Variants in RPS6KB1 observed in about 807,000 individuals in gnomAD.
RPS6KB1 encodes ribosomal protein S6 kinase beta-1.
RPS6KB1 carries 12 observed loss-of-function variants against 70.2 expected under a neutral mutation model. The observed-to-expected ratio is 0.17, with a 90% CI of 0.11 to 0.28. RPS6KB1 has a LOEUF of 0.28. Ranked by LOEUF, RPS6KB1 falls within the 10% of genes least tolerant of loss-of-function variation. RPS6KB1 has a pLI of 1.00. For missense variants in RPS6KB1, 270 were observed against 646.6 expected, an observed-to-expected ratio of 0.42 and a Z score of 6.32; for synonymous variants, 175 against 211.2, an observed-to-expected ratio of 0.83 and a Z score of 1.49.
In RPS6KB1 at chr17:59,893,732, C is replaced by A; in HGVS notation, c.141+407C>A. 1 of 985,380 alleles carries A rather than the reference C, an allele frequency of 1.0e-6. No individual in the cohort carries two copies. The highest frequency in any genetic ancestry group is 4.4e-5 in the South Asian group (1 of 22,838). 61.0% of individuals were successfully genotyped at this position (985,380 alleles called of 1,614,324 possible). A position where few individuals can be genotyped will look rare whatever the true frequency, so the allele number is the denominator to read the frequency against. The stretch of plus-strand genomic sequence containing the variant: ...GGGTTTCCCTTCGAGTCTAGAATTT[C>A]AAGTATTGAATCTTCAGACCTCCCA... On this transcript the variant is annotated intron_variant, in intron 1 of 14. Transcript: ENST00000225577. This position sits in a 1 kb window ranked among gnomAD's most constrained non-coding sequence, Gnocchi z 4.1.
At chr17:59,926,327 A>G (rs1388561566) in intron 4 of RPS6KB1, 108 bp from the exon 5 acceptor site, 14 of 809,056 alleles carry the variant, frequency 1.7e-5, no homozygotes, top group Admixed American at 3.0e-5. Context: ...ACTATGGTTA[A>G]TAGTTCAATA....
At chr17:59,937,149 T>C (rs1290496398) in intron 12 of RPS6KB1, among the ~76,000 whole-genome samples, 1 of 152,198 alleles carries the variant, frequency 6.6e-6, no homozygotes, top group Non-Finnish European at 1.5e-5. Context: ...GGTGTGAGCT[T>C]CTGCACCCAG....
At chr17:59,896,400 G>T (rs529575525) in intron 1 of RPS6KB1, among the ~76,000 whole-genome samples, 1 of 152,190 alleles carries the variant, frequency 6.6e-6, no homozygotes, top group Admixed American at 6.6e-5. Context: ...CTCCATGTTG[G>T]TCAGGCTGGT....
chr17:59,936,180 AG>A, intron 10 of RPS6KB1, 34 bp from the exon 11 acceptor site: 1 of 1,574,804 alleles, frequency 6.3e-7, no homozygotes. Context: ...AGTTTGACTA[AG>A]GTTCTTTATC....
At position 59,893,286 on chromosome 17, in the gene RPS6KB1, G is replaced by T; in HGVS notation, c.102G>T (p.Gln34His). 6.2e-7 allele frequency: 1 copy of T among 1,612,014 alleles called. No individual in the cohort carries two copies. The change falls in exon 1 of 15, where the codon CAG becomes CAT. Residue 34 changes from glutamine to histidine, a missense_variant. By Grantham distance (24) the Gln-to-His change is conservative (BLOSUM62 0). Coordinates refer to ENST00000225577, the MANE Select transcript of RPS6KB1 (RefSeq NM_003161.4). The surrounding 1 kb of genome is among the most constrained non-coding windows in gnomAD (Gnocchi z 4.1). ...GAGTGTTTGACATAGACCTGGACCA[G>T]CCAGAGGACGCGGGCTCTGAGGATG... ...MAGVFDIDLDQPEDAGSEDEL... is the reference protein window; with the variant it reads ...MAGVFDIDLDHPEDAGSEDEL...
At chr17:59,908,532 C>T (rs982073459) in intron 1 of RPS6KB1, among the ~76,000 whole-genome samples, 1 of 150,180 alleles carries the variant, frequency 6.7e-6, no homozygotes, top group East Asian at 2.0e-4. Flanking sequence ...GATAAATGTA[C>T]ATTTTGAAGG....
intron 13 of RPS6KB1, among the ~76,000 whole-genome samples, chr17:59,943,059 G>C (rs554907643): frequency 1.3e-5 from 2 of 152,170 alleles, no homozygotes; most frequent in Non-Finnish European, 2.9e-5. Flanking sequence ...ATGGTTTTGA[G>C]TAAACAACAC....
Position 59,934,446 on chromosome 17 carries a change from C to T in RPS6KB1, c.792C>T (p.Ile264=), listed in dbSNP as rs1306881654. The change falls in exon 9 of 15, where the codon ATC becomes ATT. Residue 264 remains isoleucine (I), a synonymous_variant. Transcript: ENST00000225577. The surrounding 1 kb of genome is among the most constrained non-coding windows in gnomAD (Gnocchi z 4.8). ...CGTIEYMAPE[I]LMRSGHNRAV... ...TTCCTCATTGTAGGGCCCCTGAAAT[C>T]TTGATGAGAAGTGGCCACAATCGTG... 1.9e-6 allele frequency: 3 copies of T among 1,613,602 alleles called. No individual in the cohort carries two copies. Among genetic ancestry groups the T allele is most frequent in the Non-Finnish European group, 8.5e-7 (1 of 1,179,616 alleles).
chr17:59,945,252 A>C lies in RPS6KB1; in HGVS notation c.1228-154A>C, dbSNP rs1598843788. The C allele has an allele frequency of 7.9e-6, 4 of 505,114 alleles. No homozygotes were observed. In the East Asian group the frequency reaches 1.2e-4, roughly 16 times the overall value. The allele number at this position is 505,114 out of a possible 1,614,324, so 31.3% of individuals were successfully genotyped here. The stretch of plus-strand genomic sequence containing the variant: ...TCACGAAATGGCTGGAAAGAAGTTA[A>C]CGGGTCTAAAAATGAGGTTGAGGAC... On this transcript the variant is annotated intron_variant, in intron 13 of 14. Coordinates refer to ENST00000225577, the MANE Select transcript of RPS6KB1 (RefSeq NM_003161.4).
In RPS6KB1 at chr17:59,911,526, AAT is replaced by A. The variant is rs1491121828; in HGVS notation, c.191+916_191+917del. 6.9e-5 allele frequency among the ~76,000 whole-genome samples: 9 copies of A among 131,114 alleles called. No homozygotes were observed. The East Asian group carries it at 2.2e-3, about 32-fold the overall frequency. The allele number at this position is 131,114 out of a possible 152,430, so 86.0% of individuals were successfully genotyped here. A position where few individuals can be genotyped will look rare whatever the true frequency, so the allele number is the denominator to read the frequency against. On this transcript the variant is annotated intron_variant, in intron 2 of 14. Coordinates refer to ENST00000225577, the MANE Select transcript of RPS6KB1 (RefSeq NM_003161.4). ...CAGGAGCGCACCACCACACCTGGCT[AAT>A]TTTTGTTGGGTTTTTTTTTTTTTTT...
chr17:59,944,791 C>CTTTTT (rs3066277), intron 13 of RPS6KB1, among the ~76,000 whole-genome samples: 2 of 134,490 alleles, frequency 1.5e-5, no homozygotes, highest in Non-Finnish European at 1.6e-5. Context: ...TATTTAACAT[C>CTTTTT]TTTTTTTTTT....
chr17:59,894,578 C>T (rs1287802914), intron 1 of RPS6KB1, among the ~76,000 whole-genome samples: 8 of 152,148 alleles, frequency 5.3e-5, no homozygotes. Flanking sequence ...AACTAAGTGG[C>T]CTAAAATAAT....
chr17:59,896,117 G>C (rs537451911), intron 1 of RPS6KB1, among the ~76,000 whole-genome samples: 1 of 152,302 alleles, frequency 6.6e-6, no homozygotes, highest in Admixed American at 6.5e-5. Flanking sequence ...GGGCAGGGGA[G>C]AAAACTGGAT....
At chr17:59,895,939 T>C (rs1336395111) in intron 1 of RPS6KB1, among the ~76,000 whole-genome samples, 2 of 152,332 alleles carry the variant, frequency 1.3e-5, no homozygotes, top group East Asian at 3.9e-4. Flanking sequence ...GGTTGGTGTG[T>C]GCTTTTTCAA....
At position 59,934,643 on chromosome 17, in the gene RPS6KB1, G is replaced by A. The variant is rs1263262705; in HGVS notation, c.870+119G>A. ...TGGAGTTTTCAAAGCCCAAAGATTT[G>A]TTATTAGCAGTTTAACACTAATAAT... On this transcript the variant is annotated intron_variant, in intron 9 of 14. Coordinates refer to ENST00000225577, the MANE Select transcript of RPS6KB1 (RefSeq NM_003161.4). This position sits in a 1 kb window ranked among gnomAD's most constrained non-coding sequence, Gnocchi z 4.8. 3.0e-6 allele frequency: 2 copies of A among 674,568 alleles called. No homozygotes were observed. Among genetic ancestry groups the A allele is most frequent in the Admixed American group, 5.8e-5 (2 of 34,710 alleles). The allele number at this position is 674,568 out of a possible 1,614,324, so 41.8% of individuals were successfully genotyped here.
chr17:59,930,372 C>T (rs1170641030), intron 6 of RPS6KB1, 198 bp downstream of exon 6: 10 of 551,572 alleles, frequency 1.8e-5, no homozygotes. Flanking sequence ...GAGTGGAACG[C>T]TCTTCACACC....
chr17:59,935,477 T>A (rs897996835), intron 10 of RPS6KB1, among the ~76,000 whole-genome samples, 177 bp downstream of exon 10: 15 of 152,126 alleles, frequency 9.9e-5, no homozygotes, highest in South Asian at 2.1e-4. Flanking sequence ...ATTCTTTTTT[T>A]AAATTTTTTT....
intron 1 of RPS6KB1, among the ~76,000 whole-genome samples, chr17:59,904,698 G>GT (rs950470089): frequency 0.015 from 1,850 of 122,608 alleles, 19 homozygotes; most frequent in Non-Finnish European, 0.018. Flanking sequence ...CTGGCATTCT[G>GT]TTTTTTTTTT....
intron 1 of RPS6KB1, among the ~76,000 whole-genome samples, chr17:59,905,873 G>A (rs1277640387): frequency 1.3e-5 from 2 of 151,750 alleles, no homozygotes; most frequent in Non-Finnish European, 2.9e-5. Context: ...CCAGGCTGGA[G>A]TGGAACTCCC....
Sources: gnomAD v4.1 joint callset for allele counts (sites outside exome capture counted in the v4.1 genomes callset) on GRCh38, gnomAD v4.1.1 for gene constraint, Gnocchi (gnomAD v3.1) non-coding constraint, MANE v1.5 for transcripts, NCBI Gene and HGNC (gene_info 2026-07-23, HGNC 2026-07-21) for gene names.